Variants in LENG1 observed in about 807,000 individuals in gnomAD.
LENG1 encodes leukocyte receptor cluster (LRC) member 1.
In LENG1, 35 loss-of-function variants were observed where a neutral mutation model predicts 28.8. That is an observed-to-expected ratio of 1.22 (90% confidence interval 0.93 to 1.61). The LOEUF (loss-of-function observed/expected upper bound fraction) is 1.61. Ranked by LOEUF, LENG1 falls within the 40% of genes most tolerant of loss-of-function variation. The pLI is 0.00. For synonymous variants in LENG1, 170 were observed against 140.6 expected, an observed-to-expected ratio of 1.21 and a Z score of -1.48; for missense variants, 404 against 348.9, an observed-to-expected ratio of 1.16 and a Z score of -1.26.
In LENG1 at chr19:54,159,683, G is replaced by C. The variant is rs752248751; in HGVS notation, c.13C>G (p.Pro5Ala). Residue 5 changes from proline (P) to alanine (A), a missense_variant, in exon 1 of 4, where the codon CCC (proline) becomes GCC (alanine). By Grantham distance (27) the Pro-to-Ala change is conservative. Coordinates refer to ENST00000222224, the MANE Select transcript of LENG1 (RefSeq NM_024316.3). ...TTCCGGACGTGCCAGCTCTTCTTGG[G>C]CAAGATATTCATGGCGTCGTAGCTG... Reference protein sequence around the residue: MNILPKKSWHVRNKD... With the variant: MNILAKKSWHVRNKD... 6.2e-7 allele frequency: 1 copy of C among 1,612,246 alleles called. No individual in the cohort carries two copies. Among genetic ancestry groups the C allele is most frequent in the Admixed American group, 1.7e-5 (1 of 59,830 alleles).
Position 54,159,655 on chromosome 19 carries a change from T to C in LENG1, c.41A>G (p.Lys14Arg), listed in dbSNP as rs767943207. 3 of 1,613,436 alleles carry C rather than the reference T, an allele frequency of 1.9e-6. No individual in the cohort carries two copies. Among genetic ancestry groups the C allele is most frequent in the African/African-American group, 1.3e-5 (1 of 74,946 alleles). The change falls in exon 1 of 4, where the codon AAG (lysine) becomes AGG (arginine). Residue 14 changes from lysine (K) to arginine (R), a missense_variant. Physicochemically the swap from Lys to Arg is conservative, Grantham distance 26 (BLOSUM62 2). Coordinates refer to ENST00000222224, the MANE Select transcript of LENG1 (RefSeq NM_024316.3). ...ACGCCGCACGCGGGCGACATTGTCC[T>C]TGTTCCGGACGTGCCAGCTCTTCTT... ...LPKKSWHVRN[K>R]DNVARVRRDE...
At chr19:54,157,264 A>T (rs1465025049) in intron 2 of LENG1, among the ~76,000 whole-genome samples, 1 of 152,212 alleles carries the variant, frequency 6.6e-6, no homozygotes, top group South Asian at 2.1e-4. Flanking sequence ...AGAGGCAGGC[A>T]TCTTTGCAGA....
chr19:54,158,269 G>A lies in LENG1; in HGVS notation c.312+13C>T. The A allele has an allele frequency of 1.2e-6, 2 of 1,610,396 alleles. No homozygotes were observed. The highest frequency in any genetic ancestry group is 1.7e-6 in the Non-Finnish European group (2 of 1,176,958). On this transcript the variant is annotated intron_variant, in intron 2 of 3. Transcript: ENST00000222224. ...TCATGGCCCCTCTGATGAAGTGGGT[G>A]AGGCCAGCTTACTTTCTCCTGTCGC...
intron 3 of LENG1, 48 bp from the exon 4 acceptor site, chr19:54,155,988 C>T (rs113900594): frequency 1.5e-5 from 23 of 1,519,814 alleles, no homozygotes; most frequent in African/African-American, 1.5e-4. Flanking sequence ...CCTAGGAGGC[C>T]ATTCCCCCAA....
rs775632218 is a variant in LENG1 at position 54,155,725 on chromosome 19, T to G, written c.791A>C (p.His264Pro). Reference sequence around the variant, plus strand: ...TCTCCTGTACCCCCTCAGGAGTCAGTGAGTAAGGTGAGGGTCCTGCTGGCG... The same window carrying G: ...TCTCCTGTACCCCCTCAGGAGTCAGGGAGTAAGGTGAGGGTCCTGCTGGCG... ...RPRQQDPHLT[H>P] is the part of the protein sequence containing the mutation. The change falls in exon 4 of 4, where the codon CAC (histidine) becomes CCC (proline). Residue 264 changes from histidine to proline, a missense_variant. Physicochemically the swap from His to Pro is moderately conservative, Grantham distance 77 (BLOSUM62 -2). Transcript: ENST00000222224. 17 of 1,608,942 alleles carry G rather than the reference T, an allele frequency of 1.1e-5. No individual in the cohort carries two copies. The Admixed American group carries it at 2.7e-4, about 25-fold the overall frequency.
Position 54,155,696 on chromosome 19 carries a change from G to A in LENG1, c.*25C>T, listed in dbSNP as rs771013119. The A allele has an allele frequency of 1.2e-4, 181 of 1,558,996 alleles. No homozygotes were observed. The highest frequency in any genetic ancestry group is 1.4e-4 in the Non-Finnish European group (162 of 1,141,476). On this transcript the variant is annotated 3_prime_UTR_variant, in exon 4 of 4. Coordinates refer to ENST00000222224, the MANE Select transcript of LENG1 (RefSeq NM_024316.3). ...GTTTTATATGACGGCTGGCAGCAGC[G>A]GCCTCTCCTGTACCCCCTCAGGAGT...
In LENG1 at chr19:54,155,429, AC is replaced by A. The variant is rs762469816; in HGVS notation, c.*291del. On this transcript the variant is annotated 3_prime_UTR_variant, in exon 4 of 4. Coordinates refer to ENST00000222224, the MANE Select transcript of LENG1 (RefSeq NM_024316.3). ...GTGACACCGGCCCCTCCCTCTACCC[AC>A]CCCCTTCCCCCGCATGCTGATCCCC... 11 of 1,360,298 alleles carry A rather than the reference AC, an allele frequency of 8.1e-6. No homozygotes were observed. In the East Asian group the frequency reaches 2.4e-4, roughly 30 times the overall value. The allele number at this position is 1,360,298 out of a possible 1,614,324, so 84.3% of individuals were successfully genotyped here.
chr19:54,156,993 T>G lies in LENG1; in HGVS notation c.345A>C (p.Thr115=). 3 of 1,573,540 alleles carry G rather than the reference T, an allele frequency of 1.9e-6. No individual in the cohort carries two copies. In the South Asian group the frequency reaches 3.5e-5, roughly 18 times the overall value. The change falls in exon 3 of 4, where the codon ACA becomes ACC. Residue 115 remains threonine (T), a synonymous_variant. Coordinates refer to ENST00000222224, the MANE Select transcript of LENG1 (RefSeq NM_024316.3). ...CCTCCGCTGCACTCTGGCCCAGGTATGTCAGGATGCCCAGAGCTTTCTCTT... is the reference window on the plus strand; with the variant it reads ...CCTCCGCTGCACTCTGGCCCAGGTAGGTCAGGATGCCCAGAGCTTTCTCTT... ...ERQEKALGIL[T]YLGQSAAEAQ...
Position 54,159,596 on chromosome 19 carries a change from G to T in LENG1, c.100C>A (p.Arg34Ser). Residue 34 changes from arginine to serine, a missense_variant, in exon 1 of 4, where the codon CGT becomes AGT. By Grantham distance (110) the Arg-to-Ser change is moderately radical. Transcript: ENST00000222224. ...TGAGCCAGCAGCACCCTCCGCTCAC[G>T]CTCCTTCTCCTCCTCCCGGGCCTGG... The part of the protein sequence containing the change: ...EAQAREEEKE[R>S]ERRVLLAQQE... The T allele has an allele frequency of 1.9e-6, 3 of 1,602,278 alleles. No individual in the cohort carries two copies. The highest frequency in any genetic ancestry group is 2.6e-6 in the Non-Finnish European group (3 of 1,174,348).
chr19:54,159,713 G>C lies in LENG1; in HGVS notation c.-18C>G, dbSNP rs1301161777. The C allele has an allele frequency of 2.6e-6, 4 of 1,568,006 alleles. No individual in the cohort carries two copies. The African/African-American group carries it at 5.4e-5, about 21-fold the overall frequency. On this transcript the variant is annotated 5_prime_UTR_variant, in exon 1 of 4. Coordinates refer to ENST00000222224, the MANE Select transcript of LENG1 (RefSeq NM_024316.3). The stretch of plus-strand genomic sequence containing the variant: ...ATATTCATGGCGTCGTAGCTGTCCA[G>C]GGACTGGCACGCCCGCCTCTTTGCA...
At chr19:54,156,091 G>T (rs1477211864) in intron 3 of LENG1, 151 bp from the exon 4 acceptor site, 52 of 677,306 alleles carry the variant, frequency 7.7e-5, no homozygotes, top group Non-Finnish European at 1.1e-4. Context: ...GCAGCCACTT[G>T]GTGCTGGGAC....
At chr19:54,158,553 G>A in intron 1 of LENG1, 92 bp from the exon 2 acceptor site, 1 of 1,245,276 alleles carries the variant, frequency 8.0e-7, no homozygotes, top group Non-Finnish European at 1.1e-6. Context: ...GGCAGTCCAG[G>A]GTGCTGGGGT....
intron 1 of LENG1, among the ~76,000 whole-genome samples, 197 bp from the exon 2 acceptor site, chr19:54,158,658 C>T (rs2146842672): frequency 6.6e-6 from 1 of 152,256 alleles, no homozygotes; most frequent in South Asian, 2.1e-4. Flanking sequence ...TTTGTAAACT[C>T]CCTTTCAAAT....
intron 2 of LENG1, 101 bp from the exon 3 acceptor site, chr19:54,157,126 G>GT: frequency 1.1e-6 from 1 of 948,956 alleles, no homozygotes; most frequent in Non-Finnish European, 1.5e-6. Flanking sequence ...TCTAAGGCTT[G>GT]TTATGAACCA....
intron 3 of LENG1, 94 bp from the exon 4 acceptor site, chr19:54,156,034 C>T (rs73062679): frequency 0.094 from 107,469 of 1,143,768 alleles, 5,636 homozygotes; most frequent in South Asian, 0.16. Context: ...CTGGAAGCCC[C>T]GCTGCATCCA....
At position 54,158,371 on chromosome 19, in the gene LENG1, G is replaced by C. The variant is rs2075435179; in HGVS notation, c.223C>G (p.Pro75Ala). The C allele has an allele frequency of 1.2e-6, 2 of 1,614,034 alleles. No homozygotes were observed. The highest frequency in any genetic ancestry group is 1.7e-5 in the Admixed American group (1 of 60,004). ...AGCAGCTCCCGAAACAGGTCCACAG[G>C]GCCAGAACCTGGGGCTCCCGCCTCT... The part of the protein sequence containing the change: ...AAEAGAPGSG[P>A]VDLFRELLEE... The change falls in exon 2 of 4, where the codon CCT (proline) becomes GCT (alanine). Residue 75 changes from proline to alanine, a missense_variant. Coordinates refer to ENST00000222224, the MANE Select transcript of LENG1 (RefSeq NM_024316.3).
rs1157961707 is a variant in LENG1 at position 54,155,580 on chromosome 19, G to A, written c.*141C>T. Reference sequence around the variant, plus strand: ...CCTCTCAGCCCCACCCTGGGGGCCCGGGGGCGAGGGCTGCCCCCTCCTCCC... The same window carrying A: ...CCTCTCAGCCCCACCCTGGGGGCCCAGGGGCGAGGGCTGCCCCCTCCTCCC... On this transcript the variant is annotated 3_prime_UTR_variant, in exon 4 of 4. Coordinates refer to ENST00000222224, the MANE Select transcript of LENG1 (RefSeq NM_024316.3). 89 of 1,006,682 alleles carry A rather than the reference G, an allele frequency of 8.8e-5. No homozygotes were observed. The highest frequency in any genetic ancestry group is 8.1e-5 in the African/African-American group (5 of 61,424). The allele number at this position is 1,006,682 out of a possible 1,614,324, so 62.4% of individuals were successfully genotyped here. A position where few individuals can be genotyped will look rare whatever the true frequency, so the allele number is the denominator to read the frequency against.
rs564549375 is a variant in LENG1 at position 54,158,292 on chromosome 19, C to T, written c.302G>A (p.Arg101Gln). The change falls in exon 2 of 4, where the codon CGA becomes CAA. Residue 101 changes from arginine (R) to glutamine (Q), a missense_variant. Physicochemically the swap from Arg to Gln is conservative, Grantham distance 43. Coordinates refer to ENST00000222224, the MANE Select transcript of LENG1 (RefSeq NM_024316.3). ...RGNKEYKEEKRQEKERQEKAL... is the reference protein window; with the variant it reads ...RGNKEYKEEKQQEKERQEKAL... ...GTGAGGCCAGCTTACTTTCTCCTGT[C>T]GCTTTTCTTCCTTGTACTCTTTATT... 1.3e-5 allele frequency: 21 copies of T among 1,613,412 alleles called. No homozygotes were observed. In the South Asian group the frequency reaches 1.9e-4, roughly 14 times the overall value.
chr19:54,155,957 G>C lies in LENG1; in HGVS notation c.576-17C>G. On this transcript the variant is annotated splice_polypyrimidine_tract_variant and intron_variant, in intron 3 of 3. Transcript: ENST00000222224. ...GATGGAGGCCTGTGGGGAGAGGAGT[G>C]AGGTCAGAAAGCTGGTAGCCCCTAG... The C allele has an allele frequency of 6.3e-7, 1 of 1,594,042 alleles. No homozygotes were observed. The highest frequency in any genetic ancestry group is 8.5e-7 in the Non-Finnish European group (1 of 1,170,274).
Sources: gnomAD v4.1 joint callset for allele counts (sites outside exome capture counted in the v4.1 genomes callset) on GRCh38, gnomAD v4.1.1 for gene constraint, MANE v1.5 for transcripts, NCBI Gene and HGNC (gene_info 2026-07-23, HGNC 2026-07-21) for gene names.